Variants in ACBD6 observed in about 807,000 individuals in gnomAD.
ACBD6 encodes the protein acyl-CoA-binding domain-containing protein 6.
A neutral mutation model predicts 37.2 loss-of-function variants in ACBD6; 28 were observed. The observed-to-expected ratio is 0.75, with a 90% CI of 0.56 to 1.03. The LOEUF (loss-of-function observed/expected upper bound fraction) is 1.03. ACBD6 is among the 50% of genes least tolerant of loss of function. The probability of loss-of-function intolerance (pLI) is 0.00; values close to 1 mark genes in which losing one functional copy is unlikely to be tolerated. For synonymous variants in ACBD6, 113 were observed against 126.8 expected (o/e 0.89, Z 0.73); for missense variants, 340 against 337.4 (o/e 1.01, Z -0.06).
rs1359116546 is a variant in ACBD6 at position 180,349,583 on chromosome 1, AT to A, written c.664-34862del. Among the ~76,000 whole-genome samples the A allele has an allele frequency of 2.3e-4, 4 of 17,684 alleles. No homozygotes were observed. In the East Asian group the frequency reaches 0.018, roughly 80 times the overall value. The allele number at this position is 17,684 out of a possible 152,430, so 11.6% of individuals were successfully genotyped here. On this transcript the variant is annotated intron_variant, in intron 6 of 7. Transcript: ENST00000367595. ...TAATTTCTTTAGTATAAAAAAATAAATAAAATTTTTTTTAGTATAATAAATT... is the reference window on the plus strand; with the variant it reads ...TAATTTCTTTAGTATAAAAAAATAAAAAAATTTTTTTTAGTATAATAAATT...
At position 180,422,039 on chromosome 1, in the gene ACBD6, T is replaced by G. The variant is rs148807261; in HGVS notation, c.467+8141A>C. On this transcript the variant is annotated intron_variant, in intron 4 of 7. Coordinates refer to ENST00000367595, the MANE Select transcript of ACBD6 (RefSeq NM_032360.4). ...CTTTTGCTTTGTCACAGAATGACTT[T>G]TTTCTCAAATCATAGTAGAGTCTCT... Among the ~76,000 whole-genome samples, 962 of 152,296 alleles carry G rather than the reference T, an allele frequency of 6.3e-3. 10 individuals are homozygous for G. The highest frequency in any genetic ancestry group is 0.022 in the African/African-American group (914 of 41,560).
intron 3 of ACBD6, among the ~76,000 whole-genome samples, chr1:180,483,977 C>T (rs16856037): frequency 0.044 from 6,641 of 152,210 alleles, 464 homozygotes; most frequent in African/African-American, 0.14. Context: ...GGAAAATGTC[C>T]TCTTCTAGAA....
At chr1:180,431,425 G>A (rs1374121489) in intron 3 of ACBD6, among the ~76,000 whole-genome samples, 1 of 152,038 alleles carries the variant, frequency 6.6e-6, no homozygotes, top group African/African-American at 2.4e-5. Context: ...CAAACAAGAA[G>A]CACTAGGTAA....
chr1:180,489,662 C>T (rs1386838968), intron 3 of ACBD6, among the ~76,000 whole-genome samples: 1 of 150,464 alleles, frequency 6.6e-6, no homozygotes, highest in Non-Finnish European at 1.5e-5. Flanking sequence ...ATCTGCAAGT[C>T]GTTTTTTTTT....
intron 1 of ACBD6, among the ~76,000 whole-genome samples, chr1:180,499,204 T>C (rs1173226785): frequency 1.3e-5 from 2 of 152,224 alleles, no homozygotes; most frequent in Admixed American, 6.5e-5. Context: ...CAAAACGTTA[T>C]TTTATAAATT....
chr1:180,401,624 A>G (rs887901146), intron 5 of ACBD6, among the ~76,000 whole-genome samples: 22 of 152,064 alleles, frequency 1.4e-4, no homozygotes, highest in Non-Finnish European at 2.6e-4. Flanking sequence ...TCTCTACTAG[A>G]AATACAAAAA....
intron 6 of ACBD6, among the ~76,000 whole-genome samples, chr1:180,346,962 G>C (rs1385818608): frequency 1.3e-5 from 2 of 152,078 alleles, no homozygotes; most frequent in East Asian, 1.9e-4. Context: ...GCTGCAGTGA[G>C]CTGTGACCAT....
chr1:180,290,332 T>C (rs1029541731), intron 7 of ACBD6, among the ~76,000 whole-genome samples: 4 of 152,128 alleles, frequency 2.6e-5, no homozygotes, highest in African/African-American at 9.7e-5. Context: ...TATAACTATA[T>C]AGGTGTGTGC....
chr1:180,319,874 A>T (rs561264971), intron 6 of ACBD6, among the ~76,000 whole-genome samples: 2 of 152,334 alleles, frequency 1.3e-5, no homozygotes, highest in Admixed American at 6.5e-5. Flanking sequence ...CATTGTATAT[A>T]AGTACCATAT....
chr1:180,348,327 T>G (rs1212706706), intron 6 of ACBD6, among the ~76,000 whole-genome samples: 1 of 152,184 alleles, frequency 6.6e-6, no homozygotes, highest in African/African-American at 2.4e-5. Flanking sequence ...CGACAAGAGC[T>G]CTGGACTGTG....
chr1:180,374,840 T>A (rs935513566), intron 6 of ACBD6, among the ~76,000 whole-genome samples: 3 of 152,136 alleles, frequency 2.0e-5, no homozygotes, highest in East Asian at 3.9e-4. Context: ...CTCAAACATA[T>A]GAAAAACTTA....
At chr1:180,333,857 C>G (rs529866472) in intron 6 of ACBD6, among the ~76,000 whole-genome samples, 1 of 152,346 alleles carries the variant, frequency 6.6e-6, no homozygotes, top group African/African-American at 2.4e-5. Flanking sequence ...AACAGCACAC[C>G]AGGAGATTAT....
At chr1:180,365,068 T>C (rs1414242707) in intron 6 of ACBD6, among the ~76,000 whole-genome samples, 1 of 152,146 alleles carries the variant, frequency 6.6e-6, no homozygotes, top group African/African-American at 2.4e-5. Flanking sequence ...TTATTATTTA[T>C]TCAAGGTCAT....
At chr1:180,482,731 C>CA (rs1651101722) in intron 3 of ACBD6, among the ~76,000 whole-genome samples, 1 of 152,104 alleles carries the variant, frequency 6.6e-6, no homozygotes, top group African/African-American at 2.4e-5. Context: ...ATATATCAGA[C>CA]AAACGTTCAA....
intron 3 of ACBD6, among the ~76,000 whole-genome samples, chr1:180,432,105 G>C (rs1648835330): frequency 2.0e-5 from 3 of 151,876 alleles, no homozygotes; most frequent in African/African-American, 4.8e-5. Flanking sequence ...TACCTAGGAG[G>C]CTGAAGCACA....
chr1:180,382,571 C>A (rs954354292), intron 6 of ACBD6, among the ~76,000 whole-genome samples: 1 of 152,092 alleles, frequency 6.6e-6, no homozygotes, highest in African/African-American at 2.4e-5. Context: ...AAAAGTCTCT[C>A]AACAAAGAAA....
chr1:180,353,016 T>C (rs1236081922), intron 6 of ACBD6, among the ~76,000 whole-genome samples: 1 of 152,246 alleles, frequency 6.6e-6, no homozygotes, highest in African/African-American at 2.4e-5. Context: ...CAGTAAAGTC[T>C]TACCTGATCA....
intron 6 of ACBD6, among the ~76,000 whole-genome samples, chr1:180,348,118 T>C (rs532055943): frequency 4.6e-5 from 7 of 152,284 alleles, no homozygotes; most frequent in African/African-American, 1.4e-4. Context: ...CAATAAGTAT[T>C]TGTTGAATGA....
chr1:180,402,888 T>C (rs551014145), intron 5 of ACBD6, among the ~76,000 whole-genome samples: 1 of 152,184 alleles, frequency 6.6e-6, no homozygotes, highest in South Asian at 2.1e-4. Context: ...GGAGGTATTA[T>C]TTCATCCTGT....
Sources: allele counts gnomAD v4.1 joint callset (sites outside exome capture counted in the v4.1 genomes callset), GRCh38; gene constraint gnomAD v4.1.1; transcripts MANE v1.5; gene names NCBI Gene and HGNC (gene_info 2026-07-23, HGNC 2026-07-21).